Variants in DYNC2H1 observed in about 807,000 individuals in gnomAD.
The protein encoded by DYNC2H1 is dynein cytoplasmic 2 heavy chain 1.
DYNC2H1 carries 410 observed loss-of-function variants against 570.0 expected under a neutral mutation model. The observed-to-expected ratio is 0.72, with a 90% CI of 0.66 to 0.78. The LOEUF (loss-of-function observed/expected upper bound fraction) is 0.78. Ranked by LOEUF, DYNC2H1 falls within the 30% of genes least tolerant of loss-of-function variation. The probability of loss-of-function intolerance (pLI) is 0.00; values close to 1 mark genes in which losing one functional copy is unlikely to be tolerated. For synonymous variants in DYNC2H1, 1,688 were observed against 1,677.6 expected, an observed-to-expected ratio of 1.01 and a Z score of -0.15; for missense variants, 4,865 against 5,046.4, an observed-to-expected ratio of 0.96 and a Z score of 1.09.
chr11:103,397,575 A>G (rs766153011), intron 83 of DYNC2H1, among the ~76,000 whole-genome samples: 28 of 152,286 alleles, frequency 1.8e-4, no homozygotes, highest in Non-Finnish European at 3.7e-4. Context: ...CAGCTTGGAT[A>G]TTGTGGGGAT....
chr11:103,177,520 T>G lies in DYNC2H1; in HGVS notation c.5875-36T>G. 6.4e-7 allele frequency: 1 copy of G among 1,563,492 alleles called. No individual in the cohort carries two copies. The highest frequency in any genetic ancestry group is 8.6e-7 in the Non-Finnish European group (1 of 1,156,686). On this transcript the variant is annotated intron_variant, in intron 37 of 88. Coordinates refer to ENST00000375735, the MANE Select transcript of DYNC2H1 (RefSeq NM_001377.3). This position sits in a 1 kb window ranked among gnomAD's most constrained non-coding sequence, Gnocchi z 4.4. ...AGCAGAACTAAGTATGATTGAATATTATAAATCATATATGAACATATTTCT... is the reference window on the plus strand; with the variant it reads ...AGCAGAACTAAGTATGATTGAATATGATAAATCATATATGAACATATTTCT...
At position 103,209,215 on chromosome 11, in the gene DYNC2H1, T is replaced by C. The variant is rs1319702876; in HGVS notation, c.8455-661T>C. On this transcript the variant is annotated intron_variant, in intron 52 of 88. Coordinates refer to ENST00000375735, the MANE Select transcript of DYNC2H1 (RefSeq NM_001377.3). The surrounding 1 kb of genome is among the most constrained non-coding windows in gnomAD (Gnocchi z 4.2). ...CTTCAGCTCTATCAGGTGAAAGAAA[T>C]TGAAGCTATTTGGCTTAATTTAAAA... Among the ~76,000 whole-genome samples, 1 of 152,122 alleles carries C rather than the reference T, an allele frequency of 6.6e-6. No individual in the cohort carries two copies. Among genetic ancestry groups the C allele is most frequent in the East Asian group, 1.9e-4 (1 of 5,200 alleles).
chr11:103,397,621 A>G (rs1019778032), intron 83 of DYNC2H1, among the ~76,000 whole-genome samples: 1 of 152,210 alleles, frequency 6.6e-6, no homozygotes, highest in Non-Finnish European at 1.5e-5. Context: ...TAGGCTGGAC[A>G]TGGTGGCTCA....
chr11:103,474,013 T>G (rs1945473676), intron 88 of DYNC2H1: 1 of 166,992 alleles, frequency 6.0e-6, no homozygotes, highest in Non-Finnish European at 1.4e-5. Flanking sequence ...TGTTGAAAGT[T>G]CTGCCTTCTA....
rs1024800654 is a variant in DYNC2H1 at position 103,320,000 on chromosome 11, A to G, written c.11726-1029A>G. Among the ~76,000 whole-genome samples, 3 of 152,204 alleles carry G rather than the reference A, an allele frequency of 2.0e-5. No individual in the cohort carries two copies. The highest frequency in any genetic ancestry group is 2.0e-4 in the Admixed American group (3 of 15,278). ...ATGTTCCAAGGCATGTAGATAATCA[A>G]TTTTTGTCATATCTCTAAATTTTAT... On this transcript the variant is annotated intron_variant, in intron 80 of 88. Coordinates refer to ENST00000375735, the MANE Select transcript of DYNC2H1 (RefSeq NM_001377.3). The surrounding 1 kb of genome is among the most constrained non-coding windows in gnomAD (Gnocchi z 4.3).
intron 75 of DYNC2H1, among the ~76,000 whole-genome samples, chr11:103,290,465 T>C (rs557232967): frequency 6.6e-6 from 1 of 152,348 alleles, no homozygotes; most frequent in South Asian, 2.1e-4. Flanking sequence ...AGAGTAATTA[T>C]CCACCTTTCT....
chr11:103,279,523 C>G (rs1195758129), intron 70 of DYNC2H1, among the ~76,000 whole-genome samples: 1 of 152,082 alleles, frequency 6.6e-6, no homozygotes, highest in Non-Finnish European at 1.5e-5. Context: ...AAGTCTGAAT[C>G]TTAATTTCTA....
intron 17 of DYNC2H1, among the ~76,000 whole-genome samples, chr11:103,141,794 G>A (rs1389320204): frequency 1.3e-5 from 2 of 152,220 alleles, no homozygotes. Context: ...TTTGTTGTCT[G>A]TGCCCTGCCC....
chr11:103,414,404 A>AG (rs1365417982), intron 84 of DYNC2H1, among the ~76,000 whole-genome samples: 1 of 109,646 alleles, frequency 9.1e-6, no homozygotes, highest in Non-Finnish European at 2.0e-5. Flanking sequence ...ATGGATCACG[A>AG]GGTCAGGAGT....
Position 103,256,357 on chromosome 11 carries a change from A to G in DYNC2H1, c.10461+117A>G. 2 of 1,014,420 alleles carry G rather than the reference A, an allele frequency of 2.0e-6. No homozygotes were observed. Among genetic ancestry groups the G allele is most frequent in the Non-Finnish European group, 2.8e-6 (2 of 711,028 alleles). 62.8% of individuals were successfully genotyped at this position (1,014,420 alleles called of 1,614,324 possible). ...AAGATGATGTGAAAAGAAAAAAGCT[A>G]TTCAAAAACATCAGAACATTGGGTT... is the stretch of plus-strand genomic sequence containing the variant. On this transcript the variant is annotated intron_variant, in intron 68 of 88. Transcript: ENST00000375735. The surrounding 1 kb of genome is among the most constrained non-coding windows in gnomAD (Gnocchi z 4.0).
intron 12 of DYNC2H1, among the ~76,000 whole-genome samples, chr11:103,127,971 G>A (rs890523702): frequency 1.3e-5 from 2 of 152,184 alleles, no homozygotes; most frequent in Non-Finnish European, 2.9e-5. Flanking sequence ...GTCAGGTTAG[G>A]TATGCCTTGA....
In DYNC2H1 at chr11:103,479,419, A is replaced by G. The variant is rs565777283; in HGVS notation, c.*166A>G. On this transcript the variant is annotated 3_prime_UTR_variant, in exon 89 of 89. Coordinates refer to ENST00000375735, the MANE Select transcript of DYNC2H1 (RefSeq NM_001377.3). ...TTAATGTGTAAAAGCAGCACTGTGC[A>G]TCTTTTAAAGTAATAAATTAATGGA... 5 of 615,400 alleles carry G rather than the reference A, an allele frequency of 8.1e-6. No homozygotes were observed. The highest frequency in any genetic ancestry group is 1.0e-4 in the South Asian group (2 of 19,768). The allele number at this position is 615,400 out of a possible 1,614,324, so 38.1% of individuals were successfully genotyped here. A position where few individuals can be genotyped will look rare whatever the true frequency, so the allele number is the denominator to read the frequency against.
At chr11:103,413,140 C>T (rs1468512450) in intron 84 of DYNC2H1, among the ~76,000 whole-genome samples, 1 of 152,164 alleles carries the variant, frequency 6.6e-6, no homozygotes, top group Non-Finnish European at 1.5e-5. Context: ...AAAGGCAGTA[C>T]CTGCCATGTC....
At chr11:103,442,497 T>C (rs1030479431) in intron 85 of DYNC2H1, among the ~76,000 whole-genome samples, 3 of 152,130 alleles carry the variant, frequency 2.0e-5, no homozygotes, top group Non-Finnish European at 4.4e-5. Flanking sequence ...GGGACAGTAA[T>C]TTCTCAGCAG....
At chr11:103,122,219 G>A (rs1156672815) in intron 10 of DYNC2H1, among the ~76,000 whole-genome samples, 1 of 152,148 alleles carries the variant, frequency 6.6e-6, no homozygotes, top group Non-Finnish European at 1.5e-5. Flanking sequence ...ATTGATTATA[G>A]TCTGTGAGTA....
intron 52 of DYNC2H1, among the ~76,000 whole-genome samples, chr11:103,207,574 A>G: frequency 6.6e-6 from 1 of 152,042 alleles, no homozygotes; most frequent in East Asian, 1.9e-4. Context: ...CCCCTGAGGG[A>G]AAGAATGAGG....
intron 85 of DYNC2H1, among the ~76,000 whole-genome samples, chr11:103,444,289 T>C (rs1172731561): frequency 1.3e-5 from 2 of 151,964 alleles, no homozygotes; most frequent in African/African-American, 4.8e-5. Flanking sequence ...CACATAGTAA[T>C]GATTCAGACT....
intron 82 of DYNC2H1, among the ~76,000 whole-genome samples, chr11:103,335,323 TTAAGTTTTTACA>T (rs911137948): frequency 7.9e-5 from 12 of 152,084 alleles, no homozygotes; most frequent in African/African-American, 2.7e-4. Flanking sequence ...TCCTGGTCCC[TTAAGTTTTTACA>T]TAACAGAGCT....
Position 103,279,670 on chromosome 11 carries a change from T to G in DYNC2H1, c.10696-678T>G, listed in dbSNP as rs577075650. 2.0e-5 allele frequency among the ~76,000 whole-genome samples: 3 copies of G among 152,242 alleles called. No individual in the cohort carries two copies. In the South Asian group the frequency reaches 6.2e-4, roughly 32 times the overall value. On this transcript the variant is annotated intron_variant, in intron 70 of 88. Coordinates refer to ENST00000375735, the MANE Select transcript of DYNC2H1 (RefSeq NM_001377.3). ...TAACTCTCATTCTATGTGATTGGTG[T>G]CTTTTTGATACCTATTTATTGACAG... is the stretch of plus-strand genomic sequence containing the variant.
Sources: gnomAD v4.1 joint callset for allele counts (sites outside exome capture counted in the v4.1 genomes callset) on GRCh38, gnomAD v4.1.1 for gene constraint, Gnocchi (gnomAD v3.1) non-coding constraint, MANE v1.5 for transcripts, NCBI Gene and HGNC (gene_info 2026-07-23, HGNC 2026-07-21) for gene names.